The following CDH11 variants were observed in gnomAD, a reference collection of about 807,000 sequenced individuals.
CDH11 encodes the protein cadherin 11.
Under a neutral mutation model 67.8 loss-of-function variants are expected in CDH11, and 11 were observed. The ratio of observed to expected loss-of-function variants is 0.16; its 90% CI spans 0.10 to 0.27. CDH11 has a LOEUF of 0.27. Ranked by LOEUF, CDH11 falls within the 10% of genes least tolerant of loss-of-function variation. The probability of loss-of-function intolerance (pLI) is 1.00; values close to 1 mark genes in which losing one functional copy is unlikely to be tolerated. For missense variants in CDH11, 847 were observed against 1,031.2 expected (o/e 0.82, Z 2.45); for synonymous variants, 419 against 400.0 (o/e 1.05, Z -0.57).
intron 11 of CDH11, chr16:64,968,536 T>A: frequency 1.0e-6 from 1 of 985,404 alleles, no homozygotes; most frequent in Non-Finnish European, 1.2e-6. Flanking sequence ...GTGTTCTATT[T>A]TCCTGCTGCC....
At chr16:65,098,293 A>T (rs898858778) in intron 1 of CDH11, among the ~76,000 whole-genome samples, 1 of 152,128 alleles carries the variant, frequency 6.6e-6, no homozygotes, top group African/African-American at 2.4e-5. Context: ...ACAGAACAAC[A>T]TGCTAGAGTT....
chr16:65,013,176 G>C (rs775679074), intron 2 of CDH11, among the ~76,000 whole-genome samples: 1 of 152,140 alleles, frequency 6.6e-6, no homozygotes, highest in Non-Finnish European at 1.5e-5. Context: ...GGGATGCTCT[G>C]TATACAACTT....
At chr16:65,027,197 C>G (rs980653622) in intron 2 of CDH11, among the ~76,000 whole-genome samples, 2 of 152,176 alleles carry the variant, frequency 1.3e-5, no homozygotes, top group Non-Finnish European at 2.9e-5. Context: ...CAATTCTGTT[C>G]TGGACAGCAA....
chr16:65,020,415 C>T (rs761126004), intron 2 of CDH11, among the ~76,000 whole-genome samples: 4 of 152,164 alleles, frequency 2.6e-5, no homozygotes, highest in Non-Finnish European at 4.4e-5. Flanking sequence ...CTGCAACCTC[C>T]GCCTTCTGGG....
Position 65,004,918 on chromosome 16 carries a change from C to T in CDH11, c.-49G>A. The T allele has an allele frequency of 2.7e-6, 4 of 1,467,822 alleles. No homozygotes were observed. The highest frequency in any genetic ancestry group is 3.6e-6 in the Non-Finnish European group (4 of 1,103,364). 90.9% of individuals were successfully genotyped at this position (1,467,822 alleles called of 1,614,324 possible). On this transcript the variant is annotated 5_prime_UTR_variant, in exon 3 of 13. The change creates a new upstream start codon in the 5' untranslated region. Transcript: ENST00000268603. ...GAGAATGCAGCTGTCACCCCTTCCACCAACTGTACGGTGGTCTTGCTGAGG... is the reference window on the plus strand; with the variant it reads ...GAGAATGCAGCTGTCACCCCTTCCATCAACTGTACGGTGGTCTTGCTGAGG...
intron 1 of CDH11, among the ~76,000 whole-genome samples, chr16:65,074,963 G>A (rs1452962801): frequency 2.6e-5 from 4 of 151,960 alleles, no homozygotes; most frequent in East Asian, 1.9e-4. Context: ...ACACACATGC[G>A]CACATACACA....
chr16:65,122,106 G>A, upstream of CDH11: 1 of 511,082 alleles, frequency 2.0e-6, no homozygotes, highest in South Asian at 2.1e-5. Flanking sequence ...AAACCGGGGG[G>A]AGGTGGCGGG....
chr16:65,047,954 C>T lies in CDH11; in HGVS notation c.-173+5850G>A, dbSNP rs140759157. 4.7e-3 allele frequency among the ~76,000 whole-genome samples: 713 copies of T among 152,272 alleles called. 2 individuals are homozygous for T. Among genetic ancestry groups the T allele is most frequent in the Non-Finnish European group, 8.0e-3 (542 of 68,028 alleles). On this transcript the variant is annotated intron_variant, in intron 2 of 12. Coordinates refer to ENST00000268603, the MANE Select transcript of CDH11 (RefSeq NM_001797.4). ...TGTTCTCACAGATCCATGGAGCTGT[C>T]TAAAAGGAACTCTGTACCATGGTTA...
chr16:65,064,110 G>A (rs2074274020), intron 1 of CDH11, among the ~76,000 whole-genome samples: 2 of 152,212 alleles, frequency 1.3e-5, no homozygotes, highest in African/African-American at 4.8e-5. Flanking sequence ...TGTAGGCACA[G>A]CCAGGTTTCA....
At chr16:64,996,032 T>A (rs2072754247) in intron 4 of CDH11, among the ~76,000 whole-genome samples, 2 of 152,120 alleles carry the variant, frequency 1.3e-5, no homozygotes, top group Admixed American at 1.3e-4. Flanking sequence ...ATGAAACCCA[T>A]AATGAGAAAC....
At chr16:65,001,390 T>C (rs1250666062) in intron 3 of CDH11, among the ~76,000 whole-genome samples, 1 of 152,202 alleles carries the variant, frequency 6.6e-6, no homozygotes, top group Non-Finnish European at 1.5e-5. Context: ...GTTTCCTTAA[T>C]GAAGGCAAAA....
intron 2 of CDH11, among the ~76,000 whole-genome samples, chr16:65,038,636 G>A (rs2280396): frequency 0.38 from 57,901 of 151,972 alleles, 11,438 homozygotes; most frequent in Middle Eastern, 0.48. Flanking sequence ...CATCTCTATC[G>A]TTTCACTCGG....
At chr16:65,117,491 G>GA (rs985992339) in intron 1 of CDH11, among the ~76,000 whole-genome samples, 4 of 151,674 alleles carry the variant, frequency 2.6e-5, no homozygotes, top group South Asian at 4.2e-4. Context: ...TCGCTGAGAA[G>GA]AAAAAAAATC....
At chr16:64,989,015 G>C (rs1254648852) in intron 6 of CDH11, among the ~76,000 whole-genome samples, 1 of 152,050 alleles carries the variant, frequency 6.6e-6, no homozygotes. Context: ...CTAGTGCCAG[G>C]ACACTGTTTT....
At chr16:65,115,626 A>C (rs2075229305) in intron 1 of CDH11, among the ~76,000 whole-genome samples, 1 of 145,192 alleles carries the variant, frequency 6.9e-6, no homozygotes, top group Non-Finnish European at 1.5e-5. Context: ...AGTCTTGGGG[A>C]GCTTATATAG....
intron 5 of CDH11, 86 bp downstream of exon 5, chr16:64,992,829 G>T (rs370512948): frequency 5.4e-6 from 7 of 1,307,002 alleles, no homozygotes; most frequent in East Asian, 2.3e-5. Flanking sequence ...TCATATTTGA[G>T]AAAACAGAGT....
intron 1 of CDH11, among the ~76,000 whole-genome samples, chr16:65,058,663 A>G (rs1597144042): frequency 6.6e-6 from 1 of 152,166 alleles, no homozygotes. Flanking sequence ...CTAGGATTGT[A>G]GATCATGATT....
chr16:65,113,195 A>G (rs2075188877), intron 1 of CDH11, among the ~76,000 whole-genome samples: 1 of 151,886 alleles, frequency 6.6e-6, no homozygotes, highest in Non-Finnish European at 1.5e-5. Context: ...CTGAGGCAGG[A>G]GAATCACTTG....
intron 1 of CDH11, among the ~76,000 whole-genome samples, chr16:65,061,155 G>A (rs1376477157): frequency 6.6e-6 from 1 of 152,050 alleles, no homozygotes; most frequent in African/African-American, 2.4e-5. Flanking sequence ...TGGCTATTTG[G>A]TCCTCCCAAC....
Sources: allele counts gnomAD v4.1 joint callset (sites outside exome capture counted in the v4.1 genomes callset), GRCh38; gene constraint gnomAD v4.1.1; transcripts MANE v1.5; gene names NCBI Gene and HGNC (gene_info 2026-07-23, HGNC 2026-07-21).